BMAL1: variants seen among roughly 807,000 people sequenced by gnomAD.
The protein encoded by BMAL1 is basic helix-loop-helix ARNT-like protein 1.
At chr11:13,332,743 C>G in the BMAL1 span, among the ~76,000 whole-genome samples, 2 of 152,072 alleles carry the variant, frequency 1.3e-5, no homozygotes, top group Admixed American at 1.3e-4. Flanking sequence ...GGCCAGGAGA[C>G]TGACTTGAGT....
the BMAL1 span, among the ~76,000 whole-genome samples, chr11:13,354,081 A>C: frequency 3.9e-5 from 6 of 152,270 alleles, no homozygotes; most frequent in East Asian, 1.2e-3. Context: ...TAAATTTCCT[A>C]CAAAAACTCT....
chr11:13,368,954 T>C, the BMAL1 span, among the ~76,000 whole-genome samples: 1 of 152,274 alleles, frequency 6.6e-6, no homozygotes, highest in Non-Finnish European at 1.5e-5. Flanking sequence ...TTTTCTATAC[T>C]GTCTTTGAAA....
At chr11:13,352,161 C>T in the BMAL1 span, among the ~76,000 whole-genome samples, 20 of 152,222 alleles carry the variant, frequency 1.3e-4, no homozygotes, top group African/African-American at 4.8e-4. Context: ...GCACCTGCCT[C>T]TTTTCTCAGT....
At chr11:13,308,226 G>T in the BMAL1 span, among the ~76,000 whole-genome samples, 1 of 152,100 alleles carries the variant, frequency 6.6e-6, no homozygotes, top group Admixed American at 6.6e-5. Flanking sequence ...AAACTGAGGC[G>T]GACACAACGC....
At chr11:13,347,121 G>A in the BMAL1 span, among the ~76,000 whole-genome samples, 2 of 152,200 alleles carry the variant, frequency 1.3e-5, no homozygotes, top group African/African-American at 4.8e-5. Flanking sequence ...GGCTGGGCGT[G>A]GTGGCTCATG....
chr11:13,364,874 A>C, the BMAL1 span, among the ~76,000 whole-genome samples: 1 of 152,118 alleles, frequency 6.6e-6, no homozygotes, highest in African/African-American at 2.4e-5. Flanking sequence ...ATAACATTTG[A>C]GAGTAGTAGT....
chr11:13,374,911 T>C, the BMAL1 span, among the ~76,000 whole-genome samples: 2 of 152,192 alleles, frequency 1.3e-5, no homozygotes, highest in Non-Finnish European at 2.9e-5. Flanking sequence ...CCTCCTCAGT[T>C]TCAGTCCCCA....
chr11:13,374,305 C>A, the BMAL1 span: 1 of 1,060,590 alleles, frequency 9.4e-7, no homozygotes, highest in Non-Finnish European at 1.4e-6. Flanking sequence ...GATGTAGAGT[C>A]AGCCAGCCTA....
the BMAL1 span, among the ~76,000 whole-genome samples, chr11:13,297,116 A>T: frequency 4.6e-5 from 7 of 152,226 alleles, no homozygotes; most frequent in African/African-American, 1.7e-4. Context: ...TATTAAAAAA[A>T]TAAGTTTAAT....
the BMAL1 span, among the ~76,000 whole-genome samples, chr11:13,339,886 A>C: frequency 6.6e-6 from 1 of 152,158 alleles, no homozygotes; most frequent in Non-Finnish European, 1.5e-5. Context: ...GATGAGGACA[A>C]GGATTTTTAT....
chr11:13,285,003 T>G, the BMAL1 span, among the ~76,000 whole-genome samples: 17 of 152,260 alleles, frequency 1.1e-4, no homozygotes, highest in Admixed American at 1.0e-3. Flanking sequence ...ACACTCTCCC[T>G]CTGGCTAGCG....
At chr11:13,379,414 G>A in the BMAL1 span, 1 of 152,168 alleles carries the variant, frequency 6.6e-6, no homozygotes, top group African/African-American at 2.4e-5. Flanking sequence ...TCCCCCTATA[G>A]GTAACACAGC....
the BMAL1 span, among the ~76,000 whole-genome samples, chr11:13,281,852 C>A: frequency 6.6e-6 from 1 of 152,170 alleles, no homozygotes; most frequent in Non-Finnish European, 1.5e-5. Flanking sequence ...CCTTTGAAAT[C>A]CTTTCCTCTC....
chr11:13,295,774 A>G, the BMAL1 span, among the ~76,000 whole-genome samples: 1 of 152,150 alleles, frequency 6.6e-6, no homozygotes, highest in East Asian at 1.9e-4. Flanking sequence ...AGGCAAGCTT[A>G]TATTTTCTCT....
At chr11:13,283,455 A>C in the BMAL1 span, among the ~76,000 whole-genome samples, 1 of 152,222 alleles carries the variant, frequency 6.6e-6, no homozygotes, top group Non-Finnish European at 1.5e-5. Context: ...TACATGAGGC[A>C]GGTACTATTA....
chr11:13,323,074 G>A, the BMAL1 span, among the ~76,000 whole-genome samples: 10 of 151,624 alleles, frequency 6.6e-5, no homozygotes, highest in African/African-American at 2.2e-4. Flanking sequence ...TGGGATTATA[G>A]ACATGAGCCA....
the BMAL1 span, among the ~76,000 whole-genome samples, chr11:13,358,760 T>C: frequency 6.6e-6 from 1 of 152,272 alleles, no homozygotes; most frequent in Non-Finnish European, 1.5e-5. Context: ...GAAGTGATTA[T>C]TGAGCTTATG....
the BMAL1 span, among the ~76,000 whole-genome samples, chr11:13,336,592 G>T: frequency 6.6e-6 from 1 of 152,200 alleles, no homozygotes; most frequent in Non-Finnish European, 1.5e-5. Context: ...GGGCTCTCCA[G>T]TTGGACCACG....
At chr11:13,284,104 G>GTA in the BMAL1 span, among the ~76,000 whole-genome samples, 1 of 90,312 alleles carries the variant, frequency 1.1e-5, no homozygotes, top group African/African-American at 3.8e-5. Context: ...GTGTGTGTGT[G>GTA]TGTGTGTATA....
Sources: gnomAD v4.1 joint callset for allele counts (sites outside exome capture counted in the v4.1 genomes callset) on GRCh38, gnomAD v4.1.1 for gene constraint, MANE v1.5 for transcripts, NCBI Gene and HGNC (gene_info 2026-07-23, HGNC 2026-07-21) for gene names.